ARRB1: variants seen among roughly 807,000 people sequenced by gnomAD.
ARRB1 encodes the protein arrestin beta 1.
In ARRB1, 21 loss-of-function variants were observed where a neutral mutation model predicts 56.8. The observed-to-expected ratio is 0.37, with a 90% confidence interval of 0.26 to 0.53. ARRB1 has a LOEUF of 0.53. Among genes scored for constraint, ARRB1 ranks in the 20% least tolerant of loss-of-function variants. The pLI, the probability that ARRB1 is intolerant of heterozygous loss-of-function variation, is 0.88. For missense variants in ARRB1, 424 were observed against 553.7 expected (o/e 0.77, Z 2.35); for synonymous variants, 210 against 218.6 (o/e 0.96, Z 0.35).
intron 1 of ARRB1, among the ~76,000 whole-genome samples, chr11:75,307,815 C>A (rs1947065395): frequency 6.6e-6 from 1 of 152,218 alleles, no homozygotes; most frequent in Non-Finnish European, 1.5e-5. Context: ...GGGCAGAGGC[C>A]AGCAACCTCT....
At chr11:75,312,327 G>A (rs1299517431) in intron 1 of ARRB1, among the ~76,000 whole-genome samples, 4 of 152,226 alleles carry the variant, frequency 2.6e-5, no homozygotes, top group Non-Finnish European at 2.9e-5. Context: ...CCTGACCGCC[G>A]AAGGGACAGT....
intron 13 of ARRB1, chr11:75,270,941 G>A (rs1023678759): frequency 6.7e-6 from 1 of 150,054 alleles, no homozygotes; most frequent in Admixed American, 6.6e-5. Context: ...CTTTTGCTTT[G>A]GGGATTGCTT....
intron 4 of ARRB1, 98 bp from the exon 5 acceptor site, chr11:75,283,581 C>A (rs1223058030): frequency 1.5e-5 from 19 of 1,228,942 alleles, no homozygotes; most frequent in Admixed American, 2.7e-5. Context: ...CCACTGGAGG[C>A]CCCAAGCCTG....
intron 1 of ARRB1, among the ~76,000 whole-genome samples, chr11:75,329,264 C>A (rs1165944097): frequency 6.6e-6 from 1 of 151,988 alleles, no homozygotes; most frequent in Non-Finnish European, 1.5e-5. Flanking sequence ...CCATGTCTAG[C>A]TAATTTTTTG....
chr11:75,337,618 C>G (rs1947626381), intron 1 of ARRB1, among the ~76,000 whole-genome samples: 1 of 151,904 alleles, frequency 6.6e-6, no homozygotes, highest in African/African-American at 2.4e-5. Flanking sequence ...AGGGAACTGA[C>G]TTGTTAGCAG....
At chr11:75,310,320 T>C (rs1337804441) in intron 1 of ARRB1, among the ~76,000 whole-genome samples, 3 of 151,916 alleles carry the variant, frequency 2.0e-5, no homozygotes, top group African/African-American at 4.8e-5. Context: ...GGGTTCAACA[T>C]AGGTAGGTGA....
intron 2 of ARRB1, among the ~76,000 whole-genome samples, chr11:75,288,664 G>A (rs1946538700): frequency 6.7e-6 from 1 of 149,160 alleles, no homozygotes; most frequent in South Asian, 2.1e-4. Flanking sequence ...CGCCCAGGCT[G>A]GAGTGCAGTG....
intron 1 of ARRB1, among the ~76,000 whole-genome samples, chr11:75,314,250 G>A (rs1185696129): frequency 1.3e-5 from 2 of 152,250 alleles, no homozygotes; most frequent in Non-Finnish European, 2.9e-5. Context: ...CCAGGGGTCA[G>A]CCCACAATGG....
At chr11:75,292,959 C>T (rs1249865415) in intron 1 of ARRB1, among the ~76,000 whole-genome samples, 1 of 152,154 alleles carries the variant, frequency 6.6e-6, no homozygotes, top group Non-Finnish European at 1.5e-5. Context: ...ATCTGCTTGC[C>T]TCCAGAAGCT....
chr11:75,322,426 T>C (rs1277125490), intron 1 of ARRB1, among the ~76,000 whole-genome samples: 1 of 152,076 alleles, frequency 6.6e-6, no homozygotes, highest in Non-Finnish European at 1.5e-5. Context: ...GAATCGCTTG[T>C]ACCCAGGAGG....
chr11:75,341,749 G>A (rs562792201), intron 1 of ARRB1, among the ~76,000 whole-genome samples: 2 of 152,188 alleles, frequency 1.3e-5, no homozygotes, highest in Admixed American at 6.5e-5. Context: ...AGAGTCCCTC[G>A]CTGAGGACTA....
intron 1 of ARRB1, among the ~76,000 whole-genome samples, chr11:75,344,765 C>A (rs1286822404): frequency 5.3e-5 from 8 of 152,106 alleles, no homozygotes; most frequent in African/African-American, 1.9e-4. Context: ...ACTTCAGGAG[C>A]CCCCAGTGTG....
intron 1 of ARRB1, among the ~76,000 whole-genome samples, chr11:75,292,990 G>C (rs1477339134): frequency 6.6e-6 from 1 of 151,886 alleles, no homozygotes; most frequent in Non-Finnish European, 1.5e-5. Context: ...TATCCAACCC[G>C]GCTGTTTTCC....
rs571427887 is a variant in ARRB1 at position 75,294,414 on chromosome 11, G to A, written c.21-4375C>T. Among the ~76,000 whole-genome samples the A allele has an allele frequency of 3.2e-3, 491 of 151,912 alleles. 3 individuals are homozygous for A. The highest frequency in any genetic ancestry group is 6.3e-3 in the Non-Finnish European group (430 of 67,944). ...TCTACTAAAAATACAAAAATTAGCCGGACATGGTGGCATGCACCTGTAATC... is the reference window on the plus strand; with the variant it reads ...TCTACTAAAAATACAAAAATTAGCCAGACATGGTGGCATGCACCTGTAATC... On this transcript the variant is annotated intron_variant, in intron 1 of 15. Coordinates refer to ENST00000420843, the MANE Select transcript of ARRB1 (RefSeq NM_004041.5).
chr11:75,307,393 T>C (rs377378466), intron 1 of ARRB1, among the ~76,000 whole-genome samples: 1 of 152,176 alleles, frequency 6.6e-6, no homozygotes, highest in Non-Finnish European at 1.5e-5. Flanking sequence ...GAAGTGGCCA[T>C]GGATCCCCCA....
chr11:75,274,447 A>G, intron 10 of ARRB1: 1 of 530,366 alleles, frequency 1.9e-6, no homozygotes, highest in East Asian at 3.0e-5. Context: ...CGGATATTCT[A>G]AAAGATTATC....
intron 1 of ARRB1, among the ~76,000 whole-genome samples, chr11:75,300,129 A>G (rs7129289): frequency 0.013 from 1,929 of 149,546 alleles, 34 homozygotes; most frequent in African/African-American, 0.042. Flanking sequence ...CACTGAACCC[A>G]GGAGGCGAGG....
intron 1 of ARRB1, among the ~76,000 whole-genome samples, chr11:75,302,723 A>G (rs1422817748): frequency 6.6e-6 from 1 of 152,154 alleles, no homozygotes; most frequent in African/African-American, 2.4e-5. Flanking sequence ...TAGGTGTAAA[A>G]ACTTGATCCC....
intron 1 of ARRB1, among the ~76,000 whole-genome samples, chr11:75,320,698 T>G (rs1947335248): frequency 6.6e-6 from 1 of 152,192 alleles, no homozygotes; most frequent in Non-Finnish European, 1.5e-5. Context: ...TGACCTCAGC[T>G]GGGCTGGCTC....
Sources: allele counts gnomAD v4.1 joint callset (sites outside exome capture counted in the v4.1 genomes callset), GRCh38; gene constraint gnomAD v4.1.1; transcripts MANE v1.5; gene names NCBI Gene and HGNC (gene_info 2026-07-23, HGNC 2026-07-21).